ZNF804A: variants seen among roughly 807,000 people sequenced by gnomAD.
The protein encoded by ZNF804A is zinc finger protein 804A.
A neutral mutation model predicts 16.5 loss-of-function variants in ZNF804A; 2 were observed. That is an observed-to-expected ratio of 0.12 (90% CI 0.05 to 0.38). ZNF804A has a LOEUF of 0.38. Ranked by LOEUF, ZNF804A falls within the 10% of genes least tolerant of loss-of-function variation. The probability of loss-of-function intolerance (pLI) is 0.99; values close to 1 mark genes in which losing one functional copy is unlikely to be tolerated. For missense variants in ZNF804A, 1,473 were observed against 1,390.7 expected (o/e 1.06, Z -0.94); for synonymous variants, 534 against 489.6 (o/e 1.09, Z -1.20).
intron 1 of ZNF804A, among the ~76,000 whole-genome samples, chr2:184,619,282 A>G (rs976593830): frequency 6.6e-6 from 1 of 152,082 alleles, no homozygotes; most frequent in Admixed American, 6.6e-5. Context: ...GATAACAACT[A>G]TAATGTAGTT....
intron 1 of ZNF804A, among the ~76,000 whole-genome samples, chr2:184,621,131 TCA>T (rs1172496159): frequency 6.6e-6 from 1 of 151,694 alleles, no homozygotes; most frequent in African/African-American, 2.4e-5. Flanking sequence ...CTCAAAATTT[TCA>T]CATATTATCT....
At chr2:184,851,218 C>T (rs1253940062) in intron 1 of ZNF804A, among the ~76,000 whole-genome samples, 2 of 151,752 alleles carry the variant, frequency 1.3e-5, no homozygotes, top group African/African-American at 4.8e-5. Flanking sequence ...ACCCTCTTAG[C>T]AGTTTTTGAG....
At chr2:184,744,752 G>A (rs1574191561) in intron 1 of ZNF804A, among the ~76,000 whole-genome samples, 1 of 151,902 alleles carries the variant, frequency 6.6e-6, no homozygotes, top group African/African-American at 2.4e-5. Context: ...GTTTACAAGT[G>A]TGTATACAAG....
At chr2:184,813,993 CTTTTTTTTTTTTTTTT>C (rs1163432699) in intron 1 of ZNF804A, among the ~76,000 whole-genome samples, 4 of 49,186 alleles carry the variant, frequency 8.1e-5, no homozygotes, top group African/African-American at 3.1e-4. Context: ...AGAAAGGCAG[CTTTTTTTTTTTTTTTT>C]TTTTTTTTTT....
chr2:184,877,510 A>G (rs1684727685), intron 2 of ZNF804A, among the ~76,000 whole-genome samples: 1 of 152,098 alleles, frequency 6.6e-6, no homozygotes, highest in Admixed American at 6.6e-5. Context: ...TGAAAGGATT[A>G]TCTCATAATA....
chr2:184,711,279 A>G (rs1048057348), intron 1 of ZNF804A, among the ~76,000 whole-genome samples: 3 of 151,708 alleles, frequency 2.0e-5, no homozygotes, highest in East Asian at 3.9e-4. Context: ...ATCTTTTCAT[A>G]TATCTGTTGA....
chr2:184,769,133 A>T (rs1006560944), intron 1 of ZNF804A, among the ~76,000 whole-genome samples: 2 of 152,090 alleles, frequency 1.3e-5, no homozygotes, highest in Non-Finnish European at 2.9e-5. Flanking sequence ...CTTCACAGCC[A>T]CTTACTGCTC....
In ZNF804A at chr2:184,760,009, G is replaced by T. The variant is rs147109362; in HGVS notation, c.112-106360G>T. 1.6e-4 allele frequency among the ~76,000 whole-genome samples: 25 copies of T among 152,194 alleles called. No individual in the cohort carries two copies. In the East Asian group the frequency reaches 4.9e-3, roughly 30 times the overall value. On this transcript the variant is annotated intron_variant, in intron 1 of 3. Coordinates refer to ENST00000302277, the MANE Select transcript of ZNF804A (RefSeq NM_194250.2). ...TGTTTGGTGGTCTCTTCATAGGGAC[G>T]TGAACTCGCTGAGTCCGCCCTTAGT... is the stretch of plus-strand genomic sequence containing the variant.
chr2:184,797,944 A>G (rs919325601), intron 1 of ZNF804A, among the ~76,000 whole-genome samples: 1 of 151,300 alleles, frequency 6.6e-6, no homozygotes, highest in African/African-American at 2.4e-5. Context: ...TCTGAAAAAG[A>G]CTGTATCTTT....
chr2:184,825,634 C>A lies in ZNF804A; in HGVS notation c.112-40735C>A, dbSNP rs570008901. ...GCTCCTTTGAGAAAGAAACTCTTGA[C>A]CAGGTAACTTGGGCAAACAGGAAGC... On this transcript the variant is annotated intron_variant, in intron 1 of 3. Transcript: ENST00000302277. Among the ~76,000 whole-genome samples, 11 of 152,146 alleles carry A rather than the reference C, an allele frequency of 7.2e-5. No individual in the cohort carries two copies. In the South Asian group the frequency reaches 2.1e-3, roughly 29 times the overall value.
At chr2:184,916,045 A>G (rs970381029) in intron 2 of ZNF804A, among the ~76,000 whole-genome samples, 1 of 152,190 alleles carries the variant, frequency 6.6e-6, no homozygotes, top group Non-Finnish European at 1.5e-5. Flanking sequence ...GAAGAGAGCT[A>G]AATTGATTCA....
intron 1 of ZNF804A, among the ~76,000 whole-genome samples, chr2:184,846,853 T>C (rs1404844081): frequency 6.6e-6 from 1 of 152,084 alleles, no homozygotes; most frequent in East Asian, 1.9e-4. Context: ...GATGCCCCAA[T>C]GAGGCATTGT....
Position 184,819,240 on chromosome 2 carries a change from A to G in ZNF804A, c.112-47129A>G, listed in dbSNP as rs58079812. Among the ~76,000 whole-genome samples the G allele has an allele frequency of 7.5e-3, 1,146 of 152,220 alleles. 17 individuals are homozygous for G. The highest frequency in any genetic ancestry group is 0.026 in the African/African-American group (1,089 of 41,550). Reference sequence around the variant, plus strand: ...AAGTCTGTCAGATGACAGCACAATCAAATTACAACTCAAGACTAAGAAATT... The same window carrying G: ...AAGTCTGTCAGATGACAGCACAATCGAATTACAACTCAAGACTAAGAAATT... On this transcript the variant is annotated intron_variant, in intron 1 of 3. Coordinates refer to ENST00000302277, the MANE Select transcript of ZNF804A (RefSeq NM_194250.2).
intron 1 of ZNF804A, among the ~76,000 whole-genome samples, chr2:184,820,606 A>G (rs72905711): frequency 0.05 from 7,669 of 152,180 alleles, 255 homozygotes; most frequent in Middle Eastern, 0.078. Flanking sequence ...ATGTTCAAAT[A>G]GGGAGAGAGG....
intron 1 of ZNF804A, among the ~76,000 whole-genome samples, chr2:184,829,942 A>G (rs1205912101): frequency 7.2e-6 from 1 of 138,830 alleles, no homozygotes; most frequent in Non-Finnish European, 1.6e-5. Flanking sequence ...AAAAAAAAAA[A>G]CCACACACAC....
rs1180634144 is a variant in ZNF804A, at chr2:184,938,995, C to G, written c.3599C>G (p.Pro1200Arg). 6.2e-7 allele frequency: 1 copy of G among 1,614,012 alleles called. No individual in the cohort carries two copies. The highest frequency in any genetic ancestry group is 2.2e-5 in the East Asian group (1 of 44,868). Reference sequence around the variant, plus strand: ...TTTCCTTCACTGCTTTCCCCACACCCTACTGTCATCCCTTTGCAACCTCTC... The same window carrying G: ...TTTCCTTCACTGCTTTCCCCACACCGTACTGTCATCCCTTTGCAACCTCTC... ...ALFPSLLSPH[P>R]TVIPLQPLF The change falls in exon 4 of 4, where the codon CCT becomes CGT. Residue 1200 changes from proline to arginine, a missense_variant. By Grantham distance (103) the Pro-to-Arg change is moderately radical (BLOSUM62 -2). Transcript: ENST00000302277.
chr2:184,656,742 A>G (rs1364466551), intron 1 of ZNF804A, among the ~76,000 whole-genome samples: 2 of 152,004 alleles, frequency 1.3e-5, no homozygotes, highest in Non-Finnish European at 2.9e-5. Flanking sequence ...ATACACACAC[A>G]CACACACATA....
chr2:184,753,563 T>A (rs1369410633), intron 1 of ZNF804A, among the ~76,000 whole-genome samples: 1 of 151,832 alleles, frequency 6.6e-6, no homozygotes, highest in Non-Finnish European at 1.5e-5. Context: ...GTACCACTGC[T>A]GCTCTGTATT....
At chr2:184,853,815 T>C (rs1485615821) in intron 1 of ZNF804A, among the ~76,000 whole-genome samples, 1 of 128,484 alleles carries the variant, frequency 7.8e-6, no homozygotes, top group Non-Finnish European at 1.6e-5. Context: ...ATGCTGAGGA[T>C]TTTTCCACCA....
Sources: allele counts gnomAD v4.1 joint callset (sites outside exome capture counted in the v4.1 genomes callset), GRCh38; gene constraint gnomAD v4.1.1; transcripts MANE v1.5; gene names NCBI Gene and HGNC (gene_info 2026-07-23, HGNC 2026-07-21).